The following SYTL3 variants were observed in gnomAD, a reference collection of about 807,000 sequenced individuals.
The protein encoded by SYTL3 is synaptotagmin like 3.
In SYTL3, 88 loss-of-function variants were observed where a neutral mutation model predicts 82.1. The observed-to-expected ratio is 1.07, with a 90% CI of 0.90 to 1.28. The LOEUF (loss-of-function observed/expected upper bound fraction) is 1.28. SYTL3 is among the 50% of genes most tolerant of loss of function. The pLI, the probability that SYTL3 is intolerant of heterozygous loss-of-function variation, is 0.00. For missense variants in SYTL3, 831 were observed against 757.6 expected, an observed-to-expected ratio of 1.10 and a Z score of -1.14; for synonymous variants, 311 against 289.4, an observed-to-expected ratio of 1.07 and a Z score of -0.76.
At chr6:158,700,254 C>G (rs901282234) in intron 6 of SYTL3, among the ~76,000 whole-genome samples, 7 of 152,042 alleles carry the variant, frequency 4.6e-5, no homozygotes, top group Non-Finnish European at 8.8e-5. Flanking sequence ...GAAACTCTGT[C>G]TCATAAATAA....
intron 12 of SYTL3, among the ~76,000 whole-genome samples, chr6:158,749,825 A>G (rs1788169380): frequency 6.6e-6 from 1 of 152,108 alleles, no homozygotes; most frequent in Non-Finnish European, 1.5e-5. Context: ...AATTGCCAAA[A>G]CTGACATGAA....
intron 11 of SYTL3, chr6:158,725,948 G>A: frequency 1.5e-6 from 1 of 672,918 alleles, no homozygotes; most frequent in Non-Finnish European, 2.8e-6. Context: ...AGATAGGGCA[G>A]GAGGGCGCCG....
chr6:158,682,225 C>T (rs2128405250), intron 5 of SYTL3, among the ~76,000 whole-genome samples: 1 of 152,210 alleles, frequency 6.6e-6, no homozygotes, highest in Middle Eastern at 3.4e-3. Flanking sequence ...AGGCGTGAGC[C>T]ACCGCGCCTG....
At chr6:158,692,460 T>C (rs566211419) in intron 6 of SYTL3, among the ~76,000 whole-genome samples, 1 of 152,124 alleles carries the variant, frequency 6.6e-6, no homozygotes, top group Non-Finnish European at 1.5e-5. Flanking sequence ...CTTATAATTA[T>C]GAAGGAAAAT....
chr6:158,674,119 A>AATAATAATAATG (rs544841096), intron 5 of SYTL3, among the ~76,000 whole-genome samples: 2,133 of 141,350 alleles, frequency 0.015, 66 homozygotes, highest in African/African-American at 0.053. Context: ...TAATAATAAT[A>AATAATAATAATG]ATGATGATGA....
intron 5 of SYTL3, 84 bp downstream of exon 5, chr6:158,665,697 C>T (rs1789967806): frequency 1.0e-6 from 1 of 993,058 alleles, no homozygotes. Context: ...AAAGAGAGCA[C>T]TCACTCCTCA....
chr6:158,764,798 A>C lies in SYTL3; in HGVS notation c.*194A>C, dbSNP rs141153159. ...TACGTTAAACACAATTATGTTACCT[A>C]AGCCTCTGGTGGGTTATCTCCTCTT... is the stretch of plus-strand genomic sequence containing the variant. On this transcript the variant is annotated 3_prime_UTR_variant, in exon 18 of 18. Transcript: ENST00000611299. The C allele has an allele frequency of 4.1e-6, 2 of 489,226 alleles. No individual in the cohort carries two copies. The highest frequency in any genetic ancestry group is 3.2e-5 in the East Asian group (1 of 31,276). The allele number at this position is 489,226 out of a possible 1,614,324, so 30.3% of individuals were successfully genotyped here.
At position 158,718,139 on chromosome 6, in the gene SYTL3, G is replaced by A. The variant is rs556339248; in HGVS notation, c.648G>A (p.Thr216=). 2.0e-5 allele frequency: 31 copies of A among 1,545,604 alleles called. No individual in the cohort carries two copies. Among genetic ancestry groups the A allele is most frequent in the Admixed American group, 5.9e-5 (3 of 50,458 alleles). ...DMTSEKHLLA[T]GPRQCVGQTE... ...CTTCTGAGAAGCATCTTCTCGCCAC[G>A]GGCCCCAGGCAGTGTGTGGGACAGA... The change falls in exon 10 of 18, where the codon ACG becomes ACA. Residue 216 remains threonine, a synonymous_variant. Coordinates refer to ENST00000611299, the MANE Select transcript of SYTL3 (RefSeq NM_001242394.2).
intron 6 of SYTL3, among the ~76,000 whole-genome samples, chr6:158,706,485 C>T (rs73797089): frequency 0.027 from 4,044 of 152,284 alleles, 184 homozygotes; most frequent in African/African-American, 0.092. Flanking sequence ...GCTAGACTGC[C>T]TCCCAGGGTG....
chr6:158,653,493 C>T (rs559032006), intron 2 of SYTL3, among the ~76,000 whole-genome samples: 12 of 151,276 alleles, frequency 7.9e-5, no homozygotes, highest in South Asian at 2.1e-4. Flanking sequence ...GCAACAAGAG[C>T]GAACTCCGTC....
chr6:158,760,828 A>G (rs1271254631), intron 15 of SYTL3, 83 bp downstream of exon 15: 1 of 1,124,880 alleles, frequency 8.9e-7, no homozygotes, highest in Non-Finnish European at 1.3e-6. Context: ...GGTGGGGTGA[A>G]AGTTTTCTAG....
intron 13 of SYTL3, among the ~76,000 whole-genome samples, chr6:158,755,167 A>AC (rs1788905890): frequency 6.6e-6 from 1 of 152,082 alleles, no homozygotes; most frequent in Admixed American, 6.5e-5. Context: ...ATGTAGAGAG[A>AC]CCCCATCTCT....
chr6:158,760,709 C>T lies in SYTL3; in HGVS notation c.1378C>T (p.Pro460Ser), dbSNP rs1562474229. ...ELTVRAKLVL[P>S]SRPRKLQEAQ... ...CACAGTCCGGGCTAAGCTGGTTCTC[C>T]CTTCACGGCCCAGAAAACTCCAAGA... The change falls in exon 15 of 18, where the codon CCT (proline) becomes TCT (serine). Residue 460 changes from proline (P) to serine (S), a missense_variant. Physicochemically the swap from Pro to Ser is moderately conservative, Grantham distance 74. Transcript: ENST00000611299. The T allele has an allele frequency of 1.2e-6, 2 of 1,614,160 alleles. No individual in the cohort carries two copies. The highest frequency in any genetic ancestry group is 2.2e-5 in the East Asian group (1 of 44,886).
chr6:158,653,398 C>G (rs1237528398), intron 2 of SYTL3, among the ~76,000 whole-genome samples: 1 of 151,854 alleles, frequency 6.6e-6, no homozygotes, highest in Non-Finnish European at 1.5e-5. Flanking sequence ...GTCAGCTACT[C>G]GGGAGGTTGA....
At position 158,764,722 on chromosome 6, in the gene SYTL3, A is replaced by G. The variant is rs2128560107; in HGVS notation, c.*118A>G. ...ACCCCTTTGACCTTGAGCAGTCTCC[A>G]TCTGCGGCCCTGTCCCATGGCTTAA... On this transcript the variant is annotated 3_prime_UTR_variant, in exon 18 of 18. Transcript: ENST00000611299. 1 of 689,202 alleles carries G rather than the reference A, an allele frequency of 1.5e-6. No homozygotes were observed. The highest frequency in any genetic ancestry group is 2.6e-6 in the Non-Finnish European group (1 of 384,210). 42.7% of individuals were successfully genotyped at this position (689,202 alleles called of 1,614,324 possible). A position where few individuals can be genotyped will look rare whatever the true frequency, so the allele number is the denominator to read the frequency against.
intron 7 of SYTL3, among the ~76,000 whole-genome samples, chr6:158,707,814 C>G (rs1209534281): frequency 1.3e-5 from 2 of 152,224 alleles, no homozygotes; most frequent in African/African-American, 4.8e-5. Context: ...AAGCTCCCCA[C>G]CAGCTGCTAT....
intron 14 of SYTL3, among the ~76,000 whole-genome samples, chr6:158,758,037 T>A (rs1033392988): frequency 6.6e-6 from 1 of 152,118 alleles, no homozygotes; most frequent in East Asian, 1.9e-4. Flanking sequence ...GGTTAGCATT[T>A]CTCGGAGACG....
At chr6:158,648,268 G>A (rs1011889378), upstream of SYTL3, among the ~76,000 whole-genome samples, 2 of 151,898 alleles carry the variant, frequency 1.3e-5, no homozygotes, top group African/African-American at 2.4e-5. Flanking sequence ...ACTCCAGCCC[G>A]GGTAACAAGA....
At chr6:158,707,914 T>G (rs887531395) in intron 7 of SYTL3, among the ~76,000 whole-genome samples, 1 of 152,212 alleles carries the variant, frequency 6.6e-6, no homozygotes, top group African/African-American at 2.4e-5. Flanking sequence ...AGCACAAGCT[T>G]CCAGTTTGCT....
Sources: allele counts gnomAD v4.1 joint callset (sites outside exome capture counted in the v4.1 genomes callset), GRCh38; gene constraint gnomAD v4.1.1; transcripts MANE v1.5; gene names NCBI Gene and HGNC (gene_info 2026-07-23, HGNC 2026-07-21).